WDR17: variants seen among roughly 807,000 people sequenced by gnomAD.
WDR17 encodes the protein WD repeat domain 17.
Under a neutral mutation model 161.7 loss-of-function variants are expected in WDR17, and 143 were observed. The observed-to-expected ratio is 0.88, with a 90% CI of 0.77 to 1.02. WDR17 has a LOEUF of 1.02. Ranked by LOEUF, WDR17 falls within the 50% of genes least tolerant of loss-of-function variation. The pLI, the probability that WDR17 is intolerant of heterozygous loss-of-function variation, is 0.00. For missense variants in WDR17, 1,469 were observed against 1,520.9 expected (o/e 0.97, Z 0.57); for synonymous variants, 517 against 515.6 (o/e 1.00, Z -0.04).
chr4:176,128,814 A>G lies in WDR17; in HGVS notation c.867A>G (p.Thr289=), dbSNP rs372234131. 2.2e-5 allele frequency: 35 copies of G among 1,606,156 alleles called. No individual in the cohort carries two copies. In the African/African-American group the frequency reaches 4.2e-4, roughly 19 times the overall value. ...TTGATAATCTTAAATTAAAGAAAAC[A>G]GGATTTCACTGCTTACATGTACTTA... The part of the protein sequence containing the change: ...TPIDNLKLKK[T]GFHCLHVLNS... The change falls in exon 6 of 29, where the codon ACA becomes ACG. Residue 289 remains threonine, a synonymous_variant. Coordinates refer to ENST00000508596, the MANE Select transcript of WDR17 (RefSeq NM_181265.4).
Position 176,093,520 on chromosome 4 carries a change from T to C in WDR17, c.-6-18055T>C, listed in dbSNP as rs527636931. Among the ~76,000 whole-genome samples, 3 of 152,332 alleles carry C rather than the reference T, an allele frequency of 2.0e-5. No homozygotes were observed. In the East Asian group the frequency reaches 5.8e-4, roughly 29 times the overall value. On this transcript the variant is annotated intron_variant, in intron 1 of 28. Coordinates refer to ENST00000508596, the MANE Select transcript of WDR17 (RefSeq NM_181265.4). ...TTAATTACTGATATTTAATATTTTA[T>C]TTTTGTTATTTATTTCTATCACTAA...
At chr4:176,094,325 T>C (rs1188589559) in intron 1 of WDR17, among the ~76,000 whole-genome samples, 1 of 152,222 alleles carries the variant, frequency 6.6e-6, no homozygotes, top group Non-Finnish European at 1.5e-5. Context: ...TATACAAAGA[T>C]GATTAAGGCT....
In WDR17 at chr4:176,159,993, G is replaced by A; in HGVS notation, c.2526-1G>A. On this transcript the variant is annotated splice_acceptor_variant, in intron 18 of 28. Coordinates refer to ENST00000508596, the MANE Select transcript of WDR17 (RefSeq NM_181265.4). LOFTEE classifies it high-confidence loss of function. The stretch of plus-strand genomic sequence containing the variant: ...TTAAAAAACTGTCCTTATTTTATTA[G>A]GAGAGCTGACCAATTAATCCAGGAA... 1.3e-6 allele frequency: 2 copies of A among 1,591,268 alleles called. No individual in the cohort carries two copies. The highest frequency in any genetic ancestry group is 2.2e-5 in the East Asian group (1 of 44,720).
rs1340721615 is a variant in WDR17 at position 176,112,337 on chromosome 4, C to T, written c.123+634C>T. On this transcript the variant is annotated intron_variant, in intron 2 of 28. Transcript: ENST00000508596. Reference sequence around the variant, plus strand: ...TATTATAATAATCTCTTAATAGTCTCTACTTTTAGTTTGGCTCCTACTAAT... The same window carrying T: ...TATTATAATAATCTCTTAATAGTCTTTACTTTTAGTTTGGCTCCTACTAAT... 3.9e-5 allele frequency among the ~76,000 whole-genome samples: 6 copies of T among 152,188 alleles called. No individual in the cohort carries two copies. The South Asian group carries it at 1.0e-3, about 26-fold the overall frequency.
At chr4:176,124,545 A>T (rs553574192) in intron 4 of WDR17, among the ~76,000 whole-genome samples, 21 of 152,306 alleles carry the variant, frequency 1.4e-4, no homozygotes, top group Admixed American at 1.0e-3. Flanking sequence ...AATTCATTTA[A>T]TCGGTTTTAA....
intron 7 of WDR17, among the ~76,000 whole-genome samples, chr4:176,134,231 C>T (rs1744016865): frequency 6.6e-6 from 1 of 151,708 alleles, no homozygotes; most frequent in African/African-American, 2.4e-5. Flanking sequence ...GTTTTAAGGA[C>T]TTTCTTCTCT....
chr4:176,140,597 C>T (rs7678897), intron 10 of WDR17, among the ~76,000 whole-genome samples: 39,930 of 151,968 alleles, frequency 0.26, 5,479 homozygotes, highest in African/African-American at 0.33. Context: ...TCAGATGCTC[C>T]TCCCCTGTAG....
rs1175416541 is a variant in WDR17, at chr4:176,177,107, C to A, written c.3499C>A (p.Leu1167Ile). The A allele has an allele frequency of 1.2e-6, 2 of 1,613,830 alleles. No homozygotes were observed. The highest frequency in any genetic ancestry group is 1.7e-5 in the Admixed American group (1 of 60,012). The change falls in exon 27 of 29, where the codon CTT (leucine) becomes ATT (isoleucine). Residue 1167 changes from leucine (L) to isoleucine (I), a missense_variant. Leu to Ile is a conservative substitution (Grantham distance 5, BLOSUM62 2). Coordinates refer to ENST00000508596, the MANE Select transcript of WDR17 (RefSeq NM_181265.4). ...GTCAGTACCTTTAAAAATTGAATAT[C>A]TTTCTGAGGAATTGGATGCATGGAG... The part of the protein sequence containing the change: ...EVSVPLKIEY[L>I]SEELDAWRAC...
At chr4:176,172,637 AT>A in intron 24 of WDR17, 121 bp downstream of exon 24, 10 of 897,228 alleles carry the variant, frequency 1.1e-5, no homozygotes, top group Non-Finnish European at 1.6e-5. Context: ...AGGCTGGGTA[AT>A]TTATAAAGAA....
At chr4:176,138,167 A>G (rs1744704075) in intron 9 of WDR17, among the ~76,000 whole-genome samples, 1 of 151,634 alleles carries the variant, frequency 6.6e-6, no homozygotes. Flanking sequence ...AATATTTGAA[A>G]AATACATATG....
intron 5 of WDR17, among the ~76,000 whole-genome samples, chr4:176,127,767 T>C (rs949146153): frequency 2.0e-5 from 3 of 152,176 alleles, no homozygotes; most frequent in South Asian, 2.1e-4. Flanking sequence ...ACAAACCCTG[T>C]ACTCATCAGC....
At chr4:176,171,435 A>G (rs192901214) in intron 23 of WDR17, among the ~76,000 whole-genome samples, 2 of 152,172 alleles carry the variant, frequency 1.3e-5, no homozygotes, top group Non-Finnish European at 2.9e-5. Context: ...ATGAATAAGG[A>G]TGGGGAAACA....
At chr4:176,172,188 T>G (rs1750831610) in intron 23 of WDR17, 187 bp from the exon 24 acceptor site, 1 of 545,062 alleles carries the variant, frequency 1.8e-6, no homozygotes, top group African/African-American at 2.0e-5. Flanking sequence ...CCCCTCTTAC[T>G]GTTTTTAGAT....
chr4:176,167,062 G>A (rs184061140), intron 22 of WDR17, among the ~76,000 whole-genome samples: 9 of 152,232 alleles, frequency 5.9e-5, no homozygotes, highest in Admixed American at 5.2e-4. Context: ...AGTTTGTGAC[G>A]TGTGTGTATT....
At chr4:176,124,025 A>G (rs1423839682) in intron 4 of WDR17, among the ~76,000 whole-genome samples, 2 of 152,212 alleles carry the variant, frequency 1.3e-5, no homozygotes, top group African/African-American at 4.8e-5. Flanking sequence ...AAAACCAAAC[A>G]TATATTTTAC....
intron 1 of WDR17, among the ~76,000 whole-genome samples, chr4:176,099,698 G>A (rs949913221): frequency 2.0e-5 from 3 of 151,980 alleles, no homozygotes; most frequent in Non-Finnish European, 2.9e-5. Flanking sequence ...CCTGAATAAT[G>A]TACATTGTAC....
intron 6 of WDR17, among the ~76,000 whole-genome samples, chr4:176,130,899 A>G (rs921219967): frequency 5.3e-5 from 8 of 152,114 alleles, no homozygotes; most frequent in African/African-American, 1.9e-4. Flanking sequence ...TTTTTGGAAG[A>G]AGACAAAATA....
rs150892291 is a variant in WDR17, at chr4:176,078,867, C to T, written c.-7+12788C>T. ...CTGTCACCTCAAATATTTATCATTT[C>T]TTGTATTGGGAGCATTCAAAGTCCT... On this transcript the variant is annotated intron_variant, in intron 1 of 28. Transcript: ENST00000508596. Among the ~76,000 whole-genome samples, 483 of 152,036 alleles carry T rather than the reference C, an allele frequency of 3.2e-3. 3 individuals are homozygous for T. The highest frequency in any genetic ancestry group is 0.011 in the African/African-American group (458 of 41,486).
At chr4:176,081,730 G>A (rs1734769522) in intron 1 of WDR17, among the ~76,000 whole-genome samples, 1 of 152,162 alleles carries the variant, frequency 6.6e-6, no homozygotes, top group South Asian at 2.1e-4. Flanking sequence ...TCACATCAAT[G>A]TTCCGGTCAG....
Sources: allele counts gnomAD v4.1 joint callset (sites outside exome capture counted in the v4.1 genomes callset), GRCh38; gene constraint gnomAD v4.1.1; transcripts MANE v1.5; gene names NCBI Gene and HGNC (gene_info 2026-07-23, HGNC 2026-07-21).